The following IMPG1 variants were observed in gnomAD, a reference collection of about 807,000 sequenced individuals.
IMPG1 encodes interphotoreceptor matrix proteoglycan of 150 kDa.
Under a neutral mutation model 92.0 loss-of-function variants are expected in IMPG1, and 85 were observed. The observed-to-expected ratio is 0.92, with a 90% CI of 0.78 to 1.11. The LOEUF (loss-of-function observed/expected upper bound fraction) is 1.11. IMPG1 is among the 50% of genes least tolerant of loss of function. The pLI is 0.00. For missense variants in IMPG1, 1,022 were observed against 956.0 expected, an observed-to-expected ratio of 1.07 and a Z score of -0.91; for synonymous variants, 367 against 334.1, an observed-to-expected ratio of 1.10 and a Z score of -1.08.
intron 12 of IMPG1, among the ~76,000 whole-genome samples, chr6:75,977,589 A>AG (rs112887873): frequency 0.013 from 634 of 49,014 alleles, 5 homozygotes; most frequent in African/African-American, 0.041. Context: ...CTCTGCCTCA[A>AG]AAAAAAAAAA....
chr6:75,966,157 T>C (rs1383447242), intron 12 of IMPG1, among the ~76,000 whole-genome samples: 1 of 152,244 alleles, frequency 6.6e-6, no homozygotes, highest in Non-Finnish European at 1.5e-5. Context: ...GTTTTGTATA[T>C]AATATCAGGG....
chr6:75,953,317 T>TGTAG (rs1782065777), intron 12 of IMPG1, among the ~76,000 whole-genome samples: 1 of 152,212 alleles, frequency 6.6e-6, no homozygotes, highest in African/African-American at 2.4e-5. Context: ...GTGCAGAACA[T>TGTAG]GTAGGTGTGT....
intron 5 of IMPG1, 60 bp from the exon 6 acceptor site, chr6:76,022,279 C>T (rs761552405): frequency 4.9e-5 from 45 of 911,558 alleles, no homozygotes; most frequent in South Asian, 1.2e-4. Context: ...TAAATTAGAA[C>T]GAGGTCAAAA....
At chr6:76,057,018 C>G (rs1377672210) in intron 1 of IMPG1, among the ~76,000 whole-genome samples, 2 of 152,096 alleles carry the variant, frequency 1.3e-5, no homozygotes, top group Admixed American at 6.6e-5. Context: ...AGCTAGAATC[C>G]ATTATCCTCA....
At chr6:76,056,553 A>G (rs1174447457) in intron 1 of IMPG1, among the ~76,000 whole-genome samples, 1 of 152,168 alleles carries the variant, frequency 6.6e-6, no homozygotes, top group Admixed American at 6.6e-5. Context: ...CACCCAGCAA[A>G]GGAATTACTG....
Position 76,004,790 on chromosome 6 carries a change from TC to T in IMPG1, c.1135+496del, listed in dbSNP as rs200434414. 9.6e-3 allele frequency among the ~76,000 whole-genome samples: 1,459 copies of T among 152,300 alleles called. 19 individuals are homozygous for T. Among genetic ancestry groups the T allele is most frequent in the Middle Eastern group, 0.02 (6 of 294 alleles). On this transcript the variant is annotated intron_variant, in intron 10 of 16. Transcript: ENST00000369950. Reference sequence around the variant, plus strand: ...ATGGCATACAACATTAGGCAACACTTCAAGTCTGGAGATAGTAATGAGGCTT... The same window carrying T: ...ATGGCATACAACATTAGGCAACACTTAAGTCTGGAGATAGTAATGAGGCTT...
intron 12 of IMPG1, among the ~76,000 whole-genome samples, chr6:76,000,855 A>G (rs1194286066): frequency 6.6e-6 from 1 of 152,242 alleles, no homozygotes; most frequent in Non-Finnish European, 1.5e-5. Flanking sequence ...TTGACAGAGT[A>G]GTGAAATAGA....
chr6:76,015,994 C>T (rs541696132), intron 7 of IMPG1, among the ~76,000 whole-genome samples: 21 of 152,084 alleles, frequency 1.4e-4, no homozygotes, highest in Non-Finnish European at 2.2e-4. Context: ...AAAGTGGCAC[C>T]GTTGGACATA....
intron 12 of IMPG1, among the ~76,000 whole-genome samples, chr6:75,959,851 G>T (rs1782186912): frequency 6.6e-6 from 1 of 152,170 alleles, no homozygotes; most frequent in South Asian, 2.1e-4. Context: ...CCTGGTTTCA[G>T]CCCCTTTTCC....
chr6:76,015,637 C>T (rs1163645771), intron 7 of IMPG1, among the ~76,000 whole-genome samples: 1 of 151,616 alleles, frequency 6.6e-6, no homozygotes, highest in East Asian at 1.9e-4. Context: ...CCTGTCTCTA[C>T]TAAAAATACA....
intron 2 of IMPG1, among the ~76,000 whole-genome samples, chr6:76,035,383 C>T (rs1203062933): frequency 6.6e-6 from 1 of 151,772 alleles, no homozygotes; most frequent in African/African-American, 2.4e-5. Flanking sequence ...CCTGTAGTCC[C>T]AGCTACTTGG....
chr6:76,037,589 C>A (rs1177200175), intron 2 of IMPG1, among the ~76,000 whole-genome samples: 1 of 152,178 alleles, frequency 6.6e-6, no homozygotes, highest in Non-Finnish European at 1.5e-5. Flanking sequence ...AAGAAGGAAA[C>A]AACACTTGGA....
At chr6:76,052,529 G>A (rs1026559380) in intron 1 of IMPG1, among the ~76,000 whole-genome samples, 1 of 152,122 alleles carries the variant, frequency 6.6e-6, no homozygotes, top group Non-Finnish European at 1.5e-5. Flanking sequence ...CTAGTAATGG[G>A]GGAATGCCTT....
intron 14 of IMPG1, among the ~76,000 whole-genome samples, chr6:75,943,678 G>A (rs780668468): frequency 6.6e-6 from 1 of 152,234 alleles, no homozygotes; most frequent in Non-Finnish European, 1.5e-5. Flanking sequence ...AGTGGCTGCA[G>A]CTGGCTGCTT....
chr6:75,970,504 T>C (rs1001273320), intron 12 of IMPG1, among the ~76,000 whole-genome samples: 1 of 152,198 alleles, frequency 6.6e-6, no homozygotes, highest in African/African-American at 2.4e-5. Flanking sequence ...GTCCCAATCA[T>C]ACCTTGTTAC....
chr6:75,982,541 ATATCTATC>A (rs145538984), intron 12 of IMPG1, among the ~76,000 whole-genome samples: 7 of 146,628 alleles, frequency 4.8e-5, no homozygotes, highest in African/African-American at 1.0e-4. Context: ...AAAAATGTGT[ATATCTATC>A]TATCTATCTA....
At chr6:75,924,875 G>C (rs1201707904) in intron 15 of IMPG1, among the ~76,000 whole-genome samples, 1 of 142,236 alleles carries the variant, frequency 7.0e-6, no homozygotes, top group Non-Finnish European at 1.5e-5. Flanking sequence ...AAATAAGCCA[G>C]ACACAGACAA....
chr6:75,959,306 C>T (rs1006294966), intron 12 of IMPG1, among the ~76,000 whole-genome samples: 5 of 152,052 alleles, frequency 3.3e-5, no homozygotes, highest in Non-Finnish European at 5.9e-5. Context: ...GTCTGTCGAC[C>T]CCTGCTGGGA....
At chr6:76,022,023 T>C in intron 6 of IMPG1, 93 bp downstream of exon 6, 1 of 659,940 alleles carries the variant, frequency 1.5e-6, no homozygotes, top group South Asian at 1.4e-5. Context: ...ACTAATATTA[T>C]TTAAAGGATG....
Sources: allele counts gnomAD v4.1 joint callset (sites outside exome capture counted in the v4.1 genomes callset), GRCh38; gene constraint gnomAD v4.1.1; transcripts MANE v1.5; gene names NCBI Gene and HGNC (gene_info 2026-07-23, HGNC 2026-07-21).